Variants in CEP63 observed in about 807,000 individuals in gnomAD.
The protein encoded by CEP63 is centrosomal protein of 63 kDa.
In CEP63, 84 loss-of-function variants were observed where a neutral mutation model predicts 89.1. The ratio of observed to expected loss-of-function variants is 0.94; its 90% confidence interval spans 0.79 to 1.13. The LOEUF (loss-of-function observed/expected upper bound fraction) is 1.13. CEP63 is among the 50% of genes most tolerant of loss of function. The pLI is 0.00. For missense variants in CEP63, 838 were observed against 813.3 expected, an observed-to-expected ratio of 1.03 and a Z score of -0.37; for synonymous variants, 267 against 272.5, an observed-to-expected ratio of 0.98 and a Z score of 0.20.
chr3:134,760,174 T>A, the CEP63 span, among the ~76,000 whole-genome samples: 1 of 151,058 alleles, frequency 6.6e-6, no homozygotes, highest in Admixed American at 6.6e-5. Flanking sequence ...TTCTCCTGCC[T>A]CAGCCTCCCG....
At chr3:134,545,395 G>A (rs1458815136) in intron 6 of CEP63, among the ~76,000 whole-genome samples, 191 bp from the exon 7 acceptor site, 1 of 151,988 alleles carries the variant, frequency 6.6e-6, no homozygotes, top group African/African-American at 2.4e-5. Flanking sequence ...CTCCCATAGT[G>A]TTAGGATTAC....
At chr3:134,729,113 A>AT in the CEP63 span, among the ~76,000 whole-genome samples, 1 of 152,140 alleles carries the variant, frequency 6.6e-6, no homozygotes, top group Non-Finnish European at 1.5e-5. Flanking sequence ...TCAACTTTTA[A>AT]TTTTTATAAT....
chr3:134,629,520 TCTC>T, the CEP63 span: 3 of 870,998 alleles, frequency 3.4e-6, no homozygotes, highest in Admixed American at 2.1e-5. Flanking sequence ...ATGTCACTCT[TCTC>T]CTTCCCTCAG....
the CEP63 span, among the ~76,000 whole-genome samples, chr3:134,646,799 C>G: frequency 1.3e-5 from 2 of 152,112 alleles, no homozygotes; most frequent in African/African-American, 4.8e-5. Flanking sequence ...TCTATTAGAA[C>G]CTTCACGTGC....
chr3:134,717,306 G>T, the CEP63 span, among the ~76,000 whole-genome samples: 1 of 152,128 alleles, frequency 6.6e-6, no homozygotes. Flanking sequence ...TTTGAGGTTG[G>T]CAGTGATTTC....
intron 1 of CEP63, among the ~76,000 whole-genome samples, chr3:134,489,838 A>G (rs1937010861): frequency 1.3e-5 from 2 of 152,148 alleles, no homozygotes; most frequent in Admixed American, 1.3e-4. Context: ...CTTTTTGTAA[A>G]CCTATAATCA....
At chr3:134,712,082 G>A in the CEP63 span, among the ~76,000 whole-genome samples, 2 of 152,128 alleles carry the variant, frequency 1.3e-5, no homozygotes, top group Admixed American at 6.6e-5. Flanking sequence ...ATCATTACGT[G>A]TGACTTTTGT....
intron 3 of CEP63, chr3:134,510,751 G>A (rs1001677017): frequency 7.3e-6 from 3 of 412,392 alleles, no homozygotes; most frequent in African/African-American, 4.2e-5. Flanking sequence ...GTCTTCTCTT[G>A]TGGAGATTCC....
At chr3:134,500,684 G>A (rs1404605536) in intron 2 of CEP63, among the ~76,000 whole-genome samples, 1 of 152,084 alleles carries the variant, frequency 6.6e-6, no homozygotes, top group Non-Finnish European at 1.5e-5. Context: ...TTTCTCTGAT[G>A]ATTAGTGATG....
the CEP63 span, among the ~76,000 whole-genome samples, chr3:134,685,948 T>C: frequency 6.6e-6 from 1 of 152,236 alleles, no homozygotes; most frequent in Non-Finnish European, 1.5e-5. Context: ...GGCTCTGGGC[T>C]ACCAATGTTA....
chr3:134,651,228 G>A, the CEP63 span: 25 of 1,268,670 alleles, frequency 2.0e-5, no homozygotes, highest in Non-Finnish European at 2.5e-5. Flanking sequence ...GACCTGCACC[G>A]GGGCCATAGT....
the CEP63 span, among the ~76,000 whole-genome samples, chr3:134,778,851 CGCG>C: frequency 6.6e-6 from 1 of 152,136 alleles, no homozygotes; most frequent in Admixed American, 6.5e-5. Context: ...TGAGCCACCG[CGCG>C]GCCATTTTTG....
At chr3:134,684,187 T>C in the CEP63 span, among the ~76,000 whole-genome samples, 1 of 152,204 alleles carries the variant, frequency 6.6e-6, no homozygotes, top group Admixed American at 6.6e-5. Flanking sequence ...GAACATCTTT[T>C]GGGTTGAGGA....
intron 11 of CEP63, among the ~76,000 whole-genome samples, chr3:134,571,585 G>T (rs1413015386): frequency 1.3e-5 from 2 of 152,148 alleles, no homozygotes; most frequent in Non-Finnish European, 2.9e-5. Context: ...GGAGGCTGAG[G>T]CAGGAGAATG....
the CEP63 span, among the ~76,000 whole-genome samples, chr3:134,710,284 C>G: frequency 6.6e-6 from 1 of 152,162 alleles, no homozygotes. Context: ...AGGAAAAAGG[C>G]TGGCTGGCCT....
At chr3:134,558,479 G>A (rs546564022) in intron 13 of CEP63, 132 bp downstream of exon 13, 12 of 708,984 alleles carry the variant, frequency 1.7e-5, no homozygotes, top group African/African-American at 7.2e-5. Flanking sequence ...GAAGTATAGT[G>A]TGCACAAGTA....
the CEP63 span, among the ~76,000 whole-genome samples, chr3:134,653,711 G>C: frequency 6.6e-6 from 1 of 152,200 alleles, no homozygotes; most frequent in South Asian, 2.1e-4. Flanking sequence ...CATTCAAGTA[G>C]AGGCTGTATC....
At chr3:134,517,938 T>C (rs1946598905) in intron 3 of CEP63, among the ~76,000 whole-genome samples, 1 of 152,096 alleles carries the variant, frequency 6.6e-6, no homozygotes, top group South Asian at 2.1e-4. Flanking sequence ...AGAAGGACAT[T>C]TTTTAAAAAT....
the CEP63 span, among the ~76,000 whole-genome samples, chr3:134,698,034 A>G: frequency 6.6e-6 from 1 of 152,204 alleles, no homozygotes; most frequent in Non-Finnish European, 1.5e-5. Context: ...GACTGCGTGC[A>G]CAGTCTTGCC....
Sources: allele counts gnomAD v4.1 joint callset (sites outside exome capture counted in the v4.1 genomes callset), GRCh38; gene constraint gnomAD v4.1.1; transcripts MANE v1.5; gene names NCBI Gene and HGNC (gene_info 2026-07-23, HGNC 2026-07-21).